The following WDPCP variants were observed in gnomAD, a reference collection of about 807,000 sequenced individuals.
The protein encoded by WDPCP is WD repeat containing planar cell polarity effector, also known as WD repeat-containing and planar cell polarity effector protein fritz homolog.
A neutral mutation model predicts 93.1 loss-of-function variants in WDPCP; 71 were observed. The ratio of observed to expected loss-of-function variants is 0.76; its 90% CI spans 0.63 to 0.93. WDPCP has a LOEUF of 0.93. Ranked by LOEUF, WDPCP falls within the 40% of genes least tolerant of loss-of-function variation. WDPCP has a pLI of 0.00. For synonymous variants in WDPCP, 315 were observed against 315.0 expected, an observed-to-expected ratio of 1.00 and a Z score of 0.00; for missense variants, 844 against 887.4, an observed-to-expected ratio of 0.95 and a Z score of 0.62.
chr2:63,339,021 C>A (rs1688653699), intron 12 of WDPCP, among the ~76,000 whole-genome samples: 1 of 151,930 alleles, frequency 6.6e-6, no homozygotes, highest in East Asian at 1.9e-4. Flanking sequence ...CATGGAATAT[C>A]TATTTTGTAT....
chr2:63,596,725 T>A (rs1288988720), intron 3 of WDPCP, among the ~76,000 whole-genome samples: 2 of 152,200 alleles, frequency 1.3e-5, no homozygotes, highest in East Asian at 3.8e-4. Context: ...ATAGCTTTTT[T>A]AATACAATCA....
rs577804557 is a variant in WDPCP, at chr2:63,662,185, G to A, written n.309-11347C>T. Among the ~76,000 whole-genome samples the A allele has an allele frequency of 9.9e-5, 15 of 152,204 alleles. No individual in the cohort carries two copies. In the South Asian group the frequency reaches 2.7e-3, roughly 27 times the overall value. On this transcript the variant is annotated intron_variant and non_coding_transcript_variant, in intron 2 of 4. Coordinates refer to the WDPCP transcript ENST00000467687. ...CAAATTATTAGAGTATAAACAGCACGTACTTTGGTGGTAAATAGCTGGATT... is the reference window on the plus strand; with the variant it reads ...CAAATTATTAGAGTATAAACAGCACATACTTTGGTGGTAAATAGCTGGATT...
intron 9 of WDPCP, among the ~76,000 whole-genome samples, chr2:63,424,461 C>T (rs1442147832): frequency 1.3e-5 from 2 of 152,252 alleles, no homozygotes; most frequent in Admixed American, 6.5e-5. Flanking sequence ...CCCAAGGCCC[C>T]GCTTGGCCAC....
intron 2 of WDPCP, among the ~76,000 whole-genome samples, chr2:63,662,600 C>A (rs1710237597): frequency 6.6e-6 from 1 of 151,096 alleles, no homozygotes; most frequent in Non-Finnish European, 1.5e-5. Context: ...AGACTTGGAG[C>A]TTTATATGGG....
chr2:63,562,225 T>C (rs1366076778), intron 1 of WDPCP, among the ~76,000 whole-genome samples: 2 of 152,142 alleles, frequency 1.3e-5, no homozygotes, highest in East Asian at 1.9e-4. Flanking sequence ...TGCAGGGACA[T>C]GGATGAAGCC....
intron 2 of WDPCP, among the ~76,000 whole-genome samples, chr2:63,785,121 C>T (rs1670448968): frequency 6.6e-6 from 1 of 152,188 alleles, no homozygotes; most frequent in Admixed American, 6.5e-5. Flanking sequence ...TCTTTAATTA[C>T]ACTGAGTTGG....
intron 3 of WDPCP, among the ~76,000 whole-genome samples, chr2:63,598,719 C>A (rs1037592041): frequency 6.6e-6 from 1 of 151,774 alleles, no homozygotes; most frequent in African/African-American, 2.4e-5. Context: ...CCACAGGTGC[C>A]AGTAAAAGAT....
At chr2:63,150,971 A>T (rs752214724) in intron 17 of WDPCP, among the ~76,000 whole-genome samples, 3 of 152,226 alleles carry the variant, frequency 2.0e-5, no homozygotes, top group African/African-American at 7.2e-5. Context: ...AAACCAGAGC[A>T]CTGAACATAA....
chr2:63,206,047 A>G (rs1330430694), intron 14 of WDPCP, among the ~76,000 whole-genome samples: 1 of 152,148 alleles, frequency 6.6e-6, no homozygotes, highest in Non-Finnish European at 1.5e-5. Flanking sequence ...GTTGAATTTT[A>G]TCAAATGCTT....
In WDPCP at chr2:63,722,210, C is replaced by T. The variant is rs1197240738; in HGVS notation, n.309-71372G>A. Among the ~76,000 whole-genome samples the T allele has an allele frequency of 4.0e-5, 6 of 150,980 alleles. No individual in the cohort carries two copies. In the East Asian group the frequency reaches 1.2e-3, roughly 30 times the overall value. On this transcript the variant is annotated intron_variant and non_coding_transcript_variant, in intron 2 of 4. Coordinates refer to the WDPCP transcript ENST00000467687. The stretch of plus-strand genomic sequence containing the variant: ...CGCCCATCATCTGGGATGTGAGGAG[C>T]CCCTCTGCCTGGCTGCCCAGTCTGG...
intron 6 of WDPCP, among the ~76,000 whole-genome samples, chr2:63,480,878 A>G (rs902298671): frequency 2.0e-5 from 3 of 152,010 alleles, no homozygotes; most frequent in Non-Finnish European, 4.4e-5. Flanking sequence ...CAACAAAGAT[A>G]AATAGCTGGG....
At position 63,746,596 on chromosome 2, in the gene WDPCP, A is replaced by AG. The variant is rs931555716; in HGVS notation, n.308+67025dup. 3.3e-4 allele frequency among the ~76,000 whole-genome samples: 50 copies of AG among 152,086 alleles called. No homozygotes were observed. In the Middle Eastern group the frequency reaches 0.01, roughly 31 times the overall value. ...AGCCCTGGGAAAAGAATGCATTCCC[A>AG]GGGGGGGCCTCTAAAATGGCCACCC... On this transcript the variant is annotated intron_variant and non_coding_transcript_variant, in intron 2 of 4. Coordinates refer to the WDPCP transcript ENST00000467687.
chr2:63,303,836 C>A (rs1268459381), intron 13 of WDPCP, among the ~76,000 whole-genome samples: 1 of 152,088 alleles, frequency 6.6e-6, no homozygotes, highest in Non-Finnish European at 1.5e-5. Flanking sequence ...ATAGACATTT[C>A]TCAAAAGAAG....
chr2:63,604,741 A>C, intron 3 of WDPCP: 1 of 1,614,154 alleles, frequency 6.2e-7, no homozygotes, highest in Non-Finnish European at 8.5e-7. Flanking sequence ...AAAGAATGTC[A>C]TTATCTGGGG....
intron 1 of WDPCP, among the ~76,000 whole-genome samples, chr2:63,543,814 A>C (rs1158304916): frequency 2.0e-5 from 3 of 152,144 alleles, no homozygotes; most frequent in Non-Finnish European, 4.4e-5. Flanking sequence ...TTTTAGAATA[A>C]TTTGAAATAG....
intron 12 of WDPCP, among the ~76,000 whole-genome samples, chr2:63,321,341 TAC>T (rs1293781611): frequency 1.5e-5 from 2 of 135,226 alleles, no homozygotes; most frequent in Non-Finnish European, 3.2e-5. Flanking sequence ...TATATATATA[TAC>T]ATTTTGATAT....
intron 2 of WDPCP, among the ~76,000 whole-genome samples, chr2:63,667,319 A>G (rs1219326408): frequency 6.6e-6 from 1 of 152,200 alleles, no homozygotes; most frequent in African/African-American, 2.4e-5. Context: ...TCTAGGGCAG[A>G]ACAGCGCTGG....
intron 2 of WDPCP, among the ~76,000 whole-genome samples, chr2:63,744,659 A>G (rs944652791): frequency 9.2e-5 from 14 of 152,148 alleles, no homozygotes; most frequent in African/African-American, 3.4e-4. Flanking sequence ...TTAATTTACA[A>G]TCACATTTTT....
At chr2:63,362,558 T>C (rs1040022586) in intron 12 of WDPCP, among the ~76,000 whole-genome samples, 2 of 152,064 alleles carry the variant, frequency 1.3e-5, no homozygotes, top group Non-Finnish European at 2.9e-5. Flanking sequence ...GTGAGCCTGA[T>C]GTATGAAATC....
Sources: allele counts gnomAD v4.1 joint callset (sites outside exome capture counted in the v4.1 genomes callset), GRCh38; gene constraint gnomAD v4.1.1; transcripts MANE v1.5; gene names NCBI Gene and HGNC (gene_info 2026-07-23, HGNC 2026-07-21).